TBC1D5: variants seen among roughly 807,000 people sequenced by gnomAD.
The protein encoded by TBC1D5 is TBC1 domain family member 5.
Under a neutral mutation model 100.3 loss-of-function variants are expected in TBC1D5, and 75 were observed. The observed-to-expected ratio is 0.75, with a 90% CI of 0.62 to 0.91. The LOEUF is 0.91. TBC1D5 is among the 40% of genes least tolerant of loss of function. The probability of loss-of-function intolerance (pLI) is 0.00; values close to 1 mark genes in which losing one functional copy is unlikely to be tolerated. For missense variants in TBC1D5, 910 were observed against 942.4 expected (o/e 0.97, Z 0.45); for synonymous variants, 323 against 325.6 (o/e 0.99, Z 0.09).
At chr3:17,467,411 A>G (rs568376068) in intron 3 of TBC1D5, among the ~76,000 whole-genome samples, 1 of 152,046 alleles carries the variant, frequency 6.6e-6, no homozygotes, top group South Asian at 2.1e-4. Flanking sequence ...ACACCTAGGA[A>G]GCAGTTCCAA....
At chr3:17,259,588 CCTTT>C (rs1455210709) in intron 15 of TBC1D5, among the ~76,000 whole-genome samples, 1 of 152,022 alleles carries the variant, frequency 6.6e-6, no homozygotes, top group African/African-American at 2.4e-5. Context: ...GCATGCACTT[CCTTT>C]GAGATACATA....
chr3:17,404,633 G>A, intron 7 of TBC1D5, 61 bp downstream of exon 7: 5 of 1,453,994 alleles, frequency 3.4e-6, no homozygotes, highest in Non-Finnish European at 4.6e-6. Context: ...CTGGCAACCA[G>A]TCATATAAAC....
chr3:17,669,409 T>C (rs2067671749), intron 1 of TBC1D5, among the ~76,000 whole-genome samples: 1 of 152,102 alleles, frequency 6.6e-6, no homozygotes, highest in Admixed American at 6.6e-5. Context: ...GGGTTAAAAG[T>C]GAAATAATAT....
At chr3:17,390,304 C>T (rs1222828320) in intron 8 of TBC1D5, among the ~76,000 whole-genome samples, 2 of 152,030 alleles carry the variant, frequency 1.3e-5, no homozygotes, top group Admixed American at 1.3e-4. Context: ...TGTCATAATA[C>T]AGACAATAAA....
At chr3:17,172,628 T>C (rs566044439) in intron 19 of TBC1D5, among the ~76,000 whole-genome samples, 9 of 152,318 alleles carry the variant, frequency 5.9e-5, no homozygotes, top group African/African-American at 2.2e-4. Context: ...ACTAACCACT[T>C]CTGTGGAAAT....
At chr3:17,640,902 T>C (rs988929886) in intron 1 of TBC1D5, among the ~76,000 whole-genome samples, 3 of 151,988 alleles carry the variant, frequency 2.0e-5, no homozygotes, top group African/African-American at 4.8e-5. Context: ...AAATCAAATA[T>C]TCCTACTAGC....
chr3:17,548,345 A>G (rs1334917059), intron 2 of TBC1D5, among the ~76,000 whole-genome samples: 4 of 152,134 alleles, frequency 2.6e-5, no homozygotes, highest in South Asian at 2.1e-4. Context: ...CAAAATTCAT[A>G]TATCAGTAGA....
intron 2 of TBC1D5, among the ~76,000 whole-genome samples, chr3:17,544,687 T>G (rs921945606): frequency 1.3e-5 from 2 of 148,192 alleles, no homozygotes; most frequent in African/African-American, 5.1e-5. Context: ...GAACTCTGCA[T>G]GTCTGCATGG....
chr3:17,580,225 TA>T (rs919805620), intron 2 of TBC1D5, among the ~76,000 whole-genome samples: 2 of 152,026 alleles, frequency 1.3e-5, no homozygotes, highest in African/African-American at 2.4e-5. Context: ...CTTGAAACTT[TA>T]AAAAAAATCA....
At position 17,244,906 on chromosome 3, in the gene TBC1D5, C is replaced by T. The variant is rs146897750; in HGVS notation, c.1332-6487G>A. Reference sequence around the variant, plus strand: ...ATTTAAAAATTCTGTAAGTTAGAGGCCAGGTGTGGTGGCTCAGTCCTGTAA... The same window carrying T: ...ATTTAAAAATTCTGTAAGTTAGAGGTCAGGTGTGGTGGCTCAGTCCTGTAA... On this transcript the variant is annotated intron_variant, in intron 16 of 21. Coordinates refer to ENST00000253692, the Ensembl canonical transcript of TBC1D5. Among the ~76,000 whole-genome samples, 1,382 of 151,572 alleles carry T rather than the reference C, an allele frequency of 9.1e-3. 23 individuals are homozygous for T. The highest frequency in any genetic ancestry group is 0.031 in the African/African-American group (1,290 of 41,244).
At chr3:17,262,996 G>A (rs755166657) in intron 15 of TBC1D5, among the ~76,000 whole-genome samples, 2 of 151,996 alleles carry the variant, frequency 1.3e-5, no homozygotes, top group Non-Finnish European at 2.9e-5. Context: ...GGAGGCTGAG[G>A]TAGGAGGATC....
At chr3:17,407,661 G>A (rs116464100) in intron 4 of TBC1D5, among the ~76,000 whole-genome samples, 3,096 of 152,150 alleles carry the variant, frequency 0.02, 91 homozygotes, top group African/African-American at 0.07. Context: ...GGGACAAAAT[G>A]CATCTTCTCC....
intron 13 of TBC1D5, among the ~76,000 whole-genome samples, chr3:17,352,758 G>A (rs2151715401): frequency 6.7e-6 from 1 of 148,152 alleles, no homozygotes; most frequent in East Asian, 2.0e-4. Context: ...TGCTAACTCA[G>A]AATAGTAATT....
intron 2 of TBC1D5, among the ~76,000 whole-genome samples, chr3:17,592,345 T>C (rs1048789502): frequency 2.0e-5 from 3 of 152,190 alleles, no homozygotes; most frequent in Non-Finnish European, 4.4e-5. Flanking sequence ...GACTTATTGG[T>C]GAGACATTTG....
intron 1 of TBC1D5, among the ~76,000 whole-genome samples, chr3:17,697,360 C>A (rs2072297382): frequency 6.6e-6 from 1 of 152,146 alleles, no homozygotes; most frequent in Admixed American, 6.6e-5. Flanking sequence ...AAAACCCCAT[C>A]GTCTCAGCCC....
chr3:17,542,299 TAAAAC>T (rs1560122113), intron 2 of TBC1D5, among the ~76,000 whole-genome samples: 1 of 152,044 alleles, frequency 6.6e-6, no homozygotes, highest in Non-Finnish European at 1.5e-5. Context: ...TCAAGTAACA[TAAAAC>T]AAAATACAAA....
chr3:17,398,244 G>A (rs1305365929), intron 8 of TBC1D5, among the ~76,000 whole-genome samples: 5 of 151,982 alleles, frequency 3.3e-5, no homozygotes, highest in Admixed American at 3.3e-4. Context: ...AATAAAAATG[G>A]GAATAGTAAC....
At chr3:17,287,430 G>A (rs1413191209) in intron 15 of TBC1D5, among the ~76,000 whole-genome samples, 3 of 152,214 alleles carry the variant, frequency 2.0e-5, no homozygotes, top group Non-Finnish European at 4.4e-5. Context: ...CCTGAAAATT[G>A]TTTCATGGGG....
At chr3:17,263,733 G>C (rs1169363104) in intron 15 of TBC1D5, among the ~76,000 whole-genome samples, 1 of 152,206 alleles carries the variant, frequency 6.6e-6, no homozygotes, top group Non-Finnish European at 1.5e-5. Context: ...GACAGTGGTA[G>C]ATGCAAGTTT....
Sources: gnomAD v4.1 joint callset for allele counts (sites outside exome capture counted in the v4.1 genomes callset) on GRCh38, gnomAD v4.1.1 for gene constraint, MANE v1.5 for transcripts, NCBI Gene and HGNC (gene_info 2026-07-23, HGNC 2026-07-21) for gene names.